STARD13: variants seen among roughly 807,000 people sequenced by gnomAD.
The protein encoded by STARD13 is StAR related lipid transfer domain containing 13.
STARD13 carries 62 observed loss-of-function variants against 106.4 expected under a neutral mutation model. That is an observed-to-expected ratio of 0.58 (90% CI 0.48 to 0.72). The LOEUF (loss-of-function observed/expected upper bound fraction) is 0.72. Among genes scored for constraint, STARD13 ranks in the 30% least tolerant of loss-of-function variants. The pLI, the probability that STARD13 is intolerant of heterozygous loss-of-function variation, is 0.00. For missense variants in STARD13, 1,387 were observed against 1,424.0 expected (o/e 0.97, Z 0.42); for synonymous variants, 565 against 553.0 (o/e 1.02, Z -0.31).
intron 1 of STARD13, among the ~76,000 whole-genome samples, chr13:33,184,952 C>T (rs1163205032): frequency 6.6e-6 from 1 of 152,182 alleles, no homozygotes; most frequent in African/African-American, 2.4e-5. Flanking sequence ...TCTTTTAATG[C>T]AACAAAGCTT....
chr13:33,339,891 C>T (rs1359011967), intron 1 of STARD13, among the ~76,000 whole-genome samples: 1 of 151,010 alleles, frequency 6.6e-6, no homozygotes. Context: ...TCAAGACCAG[C>T]GAGACTCTGT....
At chr13:33,545,837 C>T in the STARD13 span, among the ~76,000 whole-genome samples, 1 of 152,212 alleles carries the variant, frequency 6.6e-6, no homozygotes, top group Non-Finnish European at 1.5e-5. Flanking sequence ...AGCCTGAGGC[C>T]CTCACCAGAA....
chr13:33,159,404 T>C (rs1052485880), intron 3 of STARD13, among the ~76,000 whole-genome samples: 2 of 152,142 alleles, frequency 1.3e-5, no homozygotes, highest in Non-Finnish European at 1.5e-5. Context: ...GCATCTCAGA[T>C]CACATGCAGC....
chr13:33,414,580 T>A, the STARD13 span, among the ~76,000 whole-genome samples: 1 of 152,036 alleles, frequency 6.6e-6, no homozygotes, highest in Non-Finnish European at 1.5e-5. Context: ...TATATATCAT[T>A]TTTGAAAAGA....
At chr13:33,672,905 A>C in the STARD13 span, among the ~76,000 whole-genome samples, 2 of 152,240 alleles carry the variant, frequency 1.3e-5, no homozygotes, top group Non-Finnish European at 2.9e-5. Context: ...TCTGTTCTGA[A>C]TGCTAGGATC....
In STARD13 at chr13:33,271,137, C is replaced by T. The variant is rs1891139841; in HGVS notation, c.169+14333G>A. 2.0e-5 allele frequency among the ~76,000 whole-genome samples: 3 copies of T among 152,304 alleles called. No individual in the cohort carries two copies. In the South Asian group the frequency reaches 6.2e-4, roughly 32 times the overall value. On this transcript the variant is annotated intron_variant, in intron 1 of 13. Transcript: ENST00000336934. ...GGCTACTGTTCACTAGCTACAAGTG[C>T]AGAATACAACTGTAACTATTCTGGT...
chr13:33,408,277 G>A, the STARD13 span, among the ~76,000 whole-genome samples: 1 of 152,024 alleles, frequency 6.6e-6, no homozygotes, highest in African/African-American at 2.4e-5. Context: ...TTCTAAAAGC[G>A]AGATTCTATA....
intron 1 of STARD13, among the ~76,000 whole-genome samples, chr13:33,208,303 A>G (rs1887530742): frequency 6.6e-6 from 1 of 152,090 alleles, no homozygotes; most frequent in Non-Finnish European, 1.5e-5. Context: ...GCATGAGGGT[A>G]CACAGGCAGA....
intron 1 of STARD13, among the ~76,000 whole-genome samples, chr13:33,174,827 T>C (rs963339559): frequency 2.6e-5 from 4 of 152,146 alleles, no homozygotes; most frequent in Non-Finnish European, 4.4e-5. Flanking sequence ...GAGATGAACA[T>C]AGTCTCAGTA....
chr13:33,204,692 T>C (rs146519299), intron 1 of STARD13, among the ~76,000 whole-genome samples: 142 of 152,330 alleles, frequency 9.3e-4, no homozygotes, highest in African/African-American at 3.2e-3. Flanking sequence ...ACCAGCTCTA[T>C]GTAAATGAAA....
At chr13:33,256,324 C>T (rs997268536) in intron 1 of STARD13, among the ~76,000 whole-genome samples, 8 of 152,230 alleles carry the variant, frequency 5.3e-5, no homozygotes, top group African/African-American at 1.9e-4. Flanking sequence ...GCCCTGGTGA[C>T]TAAGAGGCTG....
At chr13:33,656,286 C>T in the STARD13 span, among the ~76,000 whole-genome samples, 15 of 151,406 alleles carry the variant, frequency 9.9e-5, no homozygotes, top group African/African-American at 3.2e-4. Context: ...AAGGGAAAAG[C>T]GATAGAAGGG....
chr13:33,293,905 A>C (rs1038374372), intron 1 of STARD13, among the ~76,000 whole-genome samples: 2 of 152,130 alleles, frequency 1.3e-5, no homozygotes, highest in African/African-American at 4.8e-5. Flanking sequence ...GGATGCTGTG[A>C]TTGAGTGGGT....
the STARD13 span, among the ~76,000 whole-genome samples, chr13:33,534,736 G>C: frequency 6.6e-6 from 1 of 152,106 alleles, no homozygotes; most frequent in Admixed American, 6.5e-5. Flanking sequence ...ATGAGATTAA[G>C]GACTGGGCCT....
chr13:33,499,495 C>CCTTCTT, the STARD13 span, among the ~76,000 whole-genome samples: 4 of 75,066 alleles, frequency 5.3e-5, no homozygotes, highest in African/African-American at 2.7e-4. Flanking sequence ...AGTCTTTTCT[C>CCTTCTT]CTTCTTCTTC....
chr13:33,506,134 A>G, the STARD13 span, among the ~76,000 whole-genome samples: 1 of 152,148 alleles, frequency 6.6e-6, no homozygotes, highest in South Asian at 2.1e-4. Context: ...GAAGCAGTAA[A>G]AATTTGTTTT....
the STARD13 span, among the ~76,000 whole-genome samples, chr13:33,665,322 TA>T: frequency 3.9e-5 from 6 of 152,100 alleles, no homozygotes; most frequent in Admixed American, 1.3e-4. Context: ...AGTATTTAAT[TA>T]AAAAAAATCC....
At chr13:33,232,450 G>A in intron 1 of STARD13, among the ~76,000 whole-genome samples, 1 of 151,588 alleles carries the variant, frequency 6.6e-6, no homozygotes, top group East Asian at 1.9e-4. Context: ...CTCACAAGTG[G>A]GGAAGAACCC....
chr13:33,610,919 C>T, the STARD13 span: 1 of 152,248 alleles, frequency 6.6e-6, no homozygotes, highest in East Asian at 1.9e-4. Context: ...CATGGAAGGG[C>T]ACAGTGGTGG....
Sources: allele counts gnomAD v4.1 joint callset (sites outside exome capture counted in the v4.1 genomes callset), GRCh38; gene constraint gnomAD v4.1.1; transcripts MANE v1.5; gene names NCBI Gene and HGNC (gene_info 2026-07-23, HGNC 2026-07-21).